Variants in GP2 observed in about 807,000 individuals in gnomAD.
GP2 encodes the protein glycoprotein 2.
Under a neutral mutation model 60.8 loss-of-function variants are expected in GP2, and 58 were observed. The observed-to-expected ratio is 0.95, with a 90% CI of 0.77 to 1.19. The LOEUF is 1.19. Among genes scored for constraint, GP2 ranks in the 50% most tolerant of loss-of-function variants. The pLI, the probability that GP2 is intolerant of heterozygous loss-of-function variation, is 0.00. For synonymous variants in GP2, 280 were observed against 253.4 expected (o/e 1.10, Z -1.00); for missense variants, 647 against 667.4 (o/e 0.97, Z 0.34).
In GP2 at chr16:20,317,260, G is replaced by T; in HGVS notation, c.1369C>A (p.His457Asn). ...FAGHYDLVFLHCEIHLCDSLN... is the reference protein window; with the variant it reads ...FAGHYDLVFLNCEIHLCDSLN... ...GAATCACAGAGATGAATCTCACAAT[G>T]CAGGAAAACTAGGTCATAATGTCCA... Residue 457 changes from histidine (H) to asparagine (N), a missense_variant, in exon 8 of 11, where the codon CAT becomes AAT. Coordinates refer to ENST00000302555, the MANE Select transcript of GP2 (RefSeq NM_001502.4). 6.2e-7 allele frequency: 1 copy of T among 1,613,360 alleles called. No individual in the cohort carries two copies. The highest frequency in any genetic ancestry group is 8.5e-7 in the Non-Finnish European group (1 of 1,179,328).
At chr16:20,313,867 T>C (rs945908716) in intron 10 of GP2, among the ~76,000 whole-genome samples, 4 of 152,166 alleles carry the variant, frequency 2.6e-5, no homozygotes, top group Non-Finnish European at 4.4e-5. Context: ...GGCTGCCATC[T>C]TGGAACATGA....
chr16:20,311,423 C>A, intron 10 of GP2, 142 bp from the exon 11 acceptor site: 1 of 625,502 alleles, frequency 1.6e-6, no homozygotes, highest in Non-Finnish European at 3.0e-6. Flanking sequence ...GTCTCTGGGA[C>A]TCACATGGTA....
Position 20,319,686 on chromosome 16 carries a change from T to A in GP2, c.941A>T (p.Asn314Ile), listed in dbSNP as rs368745332. 1 of 1,609,386 alleles carries A rather than the reference T, an allele frequency of 6.2e-7. No individual in the cohort carries two copies. Among genetic ancestry groups the A allele is most frequent in the East Asian group, 2.2e-5 (1 of 44,856 alleles). Residue 314 changes from asparagine (N) to isoleucine (I), a missense_variant, in exon 6 of 11, where the codon AAC becomes ATC. Transcript: ENST00000302555. Reference protein sequence around the residue: ...FIIRDTILNINFQCAYPLDMK... With the variant: ...FIIRDTILNIIFQCAYPLDMK... ...GTCCAGTGGGTAGGCACATTGGAAG[T>A]TGATGTTGAGGATGGTGTCTCTGAT...
At chr16:20,312,151 A>G (rs1964011954) in intron 10 of GP2, among the ~76,000 whole-genome samples, 1 of 152,142 alleles carries the variant, frequency 6.6e-6, no homozygotes, top group African/African-American at 2.4e-5. Context: ...TTCTGCTGGG[A>G]TTGTATCTCT....
rs374492482 is a variant in GP2 at position 20,314,514 on chromosome 16, T to C, written c.1546+143A>G. 1,221 of 712,686 alleles carry C rather than the reference T, an allele frequency of 1.7e-3. 27 individuals carry two copies. The South Asian group carries it at 0.018, about 11-fold the overall frequency. The allele number at this position is 712,686 out of a possible 1,614,324, so 44.1% of individuals were successfully genotyped here. A position where few individuals can be genotyped will look rare whatever the true frequency, so the allele number is the denominator to read the frequency against. On this transcript the variant is annotated intron_variant, in intron 10 of 10. Coordinates refer to ENST00000302555, the MANE Select transcript of GP2 (RefSeq NM_001502.4). ...TGTTAAAGGACTACCTCCTCCACTA[T>C]ACTGTGGGCATCTCAAAGGCCAATC...
intron 10 of GP2, among the ~76,000 whole-genome samples, chr16:20,311,601 C>G (rs1013617186): frequency 6.6e-6 from 1 of 152,174 alleles, no homozygotes; most frequent in Non-Finnish European, 1.5e-5. Flanking sequence ...TTAAAGCCTC[C>G]TATATATCCT....
intron 5 of GP2, 77 bp downstream of exon 5, chr16:20,320,185 A>G (rs960013500): frequency 9.0e-7 from 1 of 1,109,894 alleles, no homozygotes; most frequent in Non-Finnish European, 1.4e-6. Flanking sequence ...GGCTTGTCCA[A>G]GATCTCAGAG....
In GP2 at chr16:20,315,995, G is replaced by A. The variant is rs763292543; in HGVS notation, c.1462C>T (p.Leu488=). The change falls in exon 9 of 11, where the codon CTA becomes TTA. Residue 488 remains leucine, a synonymous_variant. Coordinates refer to ENST00000302555, the MANE Select transcript of GP2 (RefSeq NM_001502.4). ...GGCCCCAAATCTAGAACCCGGGCTA[G>A]GTCGATGGCCGGTACTTCACTGCGG... ...QVRSEVPAID[L]ARVLDLGPIT... is the part of the protein sequence containing the mutation. 3 of 1,613,374 alleles carry A rather than the reference G, an allele frequency of 1.9e-6. No individual in the cohort carries two copies. Among genetic ancestry groups the A allele is most frequent in the Non-Finnish European group, 2.5e-6 (3 of 1,179,362 alleles).
At chr16:20,324,854 G>C (rs1398725619) in intron 2 of GP2, among the ~76,000 whole-genome samples, 1 of 152,096 alleles carries the variant, frequency 6.6e-6, no homozygotes, top group African/African-American at 2.4e-5. Context: ...TCCCAACCTT[G>C]GCACTATTGA....
Position 20,317,052 on chromosome 16 carries a change from G to A in GP2, c.1416+161C>T, listed in dbSNP as rs573214284. ...CTGTCCATCCTTCCCTTCCCTTCCC[G>A]TTCTCTTTCCCCTTCCCCTTTCCCT... On this transcript the variant is annotated intron_variant, in intron 8 of 10. Coordinates refer to ENST00000302555, the MANE Select transcript of GP2 (RefSeq NM_001502.4). Among the ~76,000 whole-genome samples, 54 of 129,890 alleles carry A rather than the reference G, an allele frequency of 4.2e-4. No individual in the cohort carries two copies. In the South Asian group the frequency reaches 0.012, roughly 28 times the overall value. The allele number at this position is 129,890 out of a possible 152,430, so 85.2% of individuals were successfully genotyped here. A position where few individuals can be genotyped will look rare whatever the true frequency, so the allele number is the denominator to read the frequency against.
chr16:20,323,493 CCCCT>C, intron 3 of GP2: 1 of 618,196 alleles, frequency 1.6e-6, no homozygotes, highest in Non-Finnish European at 3.0e-6. Flanking sequence ...GTACCCCCCC[CCCCT>C]TTTTTTCAGA....
intron 3 of GP2, chr16:20,323,447 C>A (rs557285980): frequency 5.6e-6 from 4 of 714,300 alleles, no homozygotes; most frequent in Admixed American, 2.0e-5. Flanking sequence ...GCAACAAGGA[C>A]ATTGTGAGCA....
intron 1 of GP2, 147 bp from the exon 2 acceptor site, chr16:20,326,614 T>TTGACAGTA: frequency 1.5e-6 from 1 of 666,204 alleles, no homozygotes; most frequent in Non-Finnish European, 2.5e-6. Flanking sequence ...GGTGATAAAA[T>TTGACAGTA]TGACAGTAAG....
At chr16:20,327,185 T>A in intron 1 of GP2, 1 of 269,600 alleles carries the variant, frequency 3.7e-6, no homozygotes, top group East Asian at 9.0e-5. Context: ...CACCCAGGAT[T>A]GGTGATTCTT....
Position 20,323,098 on chromosome 16 carries a change from C to A in GP2, c.536-119G>T, listed in dbSNP as rs1596527003. 3 of 644,426 alleles carry A rather than the reference C, an allele frequency of 4.7e-6. No individual in the cohort carries two copies. The Admixed American group carries it at 7.2e-5, about 15-fold the overall frequency. The allele number at this position is 644,426 out of a possible 1,614,324, so 39.9% of individuals were successfully genotyped here. On this transcript the variant is annotated intron_variant, in intron 3 of 10. Transcript: ENST00000302555. ...AGAATCTTGCCAAGGTTGTGTGATA[C>A]TTAGTGGAAGCATCAAGCCTGACTC... is the stretch of plus-strand genomic sequence containing the variant.
In GP2 at chr16:20,322,946, G is replaced by A; in HGVS notation, c.569C>T (p.Ala190Val). 6.2e-7 allele frequency: 1 copy of A among 1,612,134 alleles called. No homozygotes were observed. Among genetic ancestry groups the A allele is most frequent in the Non-Finnish European group, 8.5e-7 (1 of 1,178,288 alleles). ...PSTVEDKCEKACRPEEECLAL... is the reference protein window; with the variant it reads ...PSTVEDKCEKVCRPEEECLAL... ...AAGGCACTCCTCCTCGGGGCGGCAG[G>A]CCTTCTCACACTTGTCCTCCACAGT... The change falls in exon 4 of 11, where the codon GCC becomes GTC. Residue 190 changes from alanine (A) to valine (V), a missense_variant. Ala to Val is a moderately conservative substitution (Grantham distance 64, BLOSUM62 0). Coordinates refer to ENST00000302555, the MANE Select transcript of GP2 (RefSeq NM_001502.4).
At chr16:20,320,892 C>T (rs1335233370) in intron 4 of GP2, among the ~76,000 whole-genome samples, 5 of 152,152 alleles carry the variant, frequency 3.3e-5, no homozygotes, top group Admixed American at 3.3e-4. Context: ...ACTGGGGCTA[C>T]AACACTTATC....
At chr16:20,326,300 C>T (rs937347785) in intron 2 of GP2, 38 bp downstream of exon 2, 1 of 1,602,934 alleles carries the variant, frequency 6.2e-7, no homozygotes, top group Non-Finnish European at 8.5e-7. Context: ...GCTAGGTCTT[C>T]CTTGACATCT....
intron 4 of GP2, among the ~76,000 whole-genome samples, chr16:20,320,755 A>G (rs1181472126): frequency 3.3e-5 from 5 of 152,226 alleles, no homozygotes; most frequent in Non-Finnish European, 7.3e-5. Context: ...TGCATTCCAT[A>G]CTAGAATCAA....
Sources: allele counts gnomAD v4.1 joint callset (sites outside exome capture counted in the v4.1 genomes callset), GRCh38; gene constraint gnomAD v4.1.1; transcripts MANE v1.5; gene names NCBI Gene and HGNC (gene_info 2026-07-23, HGNC 2026-07-21).